Variants in ASIP observed in about 807,000 individuals in gnomAD.
ASIP encodes the protein agouti signaling protein, also known as agouti-signaling protein.
Under a neutral mutation model 10.3 loss-of-function variants are expected in ASIP, and 11 were observed. The observed-to-expected ratio is 1.07, with a 90% CI of 0.68 to 1.78. The LOEUF (loss-of-function observed/expected upper bound fraction) is 1.78. Among genes scored for constraint, ASIP ranks in the 40% most tolerant of loss-of-function variants. The pLI is 0.00. For missense variants in ASIP, 180 were observed against 169.2 expected (o/e 1.06, Z -0.35); for synonymous variants, 70 against 70.8 (o/e 0.99, Z 0.06).
At chr20:34,238,882 CTT>C (rs2035245565), upstream of ASIP, among the ~76,000 whole-genome samples, 2 of 152,166 alleles carry the variant, frequency 1.3e-5, no homozygotes, top group African/African-American at 4.8e-5. Context: ...GCCAAGGACA[CTT>C]TGCCATCCAA....
intron 1 of ASIP, among the ~76,000 whole-genome samples, chr20:34,249,104 G>T (rs2035430211): frequency 6.6e-6 from 1 of 152,014 alleles, no homozygotes; most frequent in African/African-American, 2.4e-5. Flanking sequence ...ACTCCAGCCT[G>T]GGTGACAGAG....
At chr20:34,209,162 C>G (rs895859892) in intron 1 of ASIP, among the ~76,000 whole-genome samples, 3 of 152,238 alleles carry the variant, frequency 2.0e-5, no homozygotes, top group African/African-American at 7.2e-5. Flanking sequence ...AGTGGTCCAT[C>G]TGGAGCAGCT....
At chr20:34,208,495 C>G (rs1026300805) in intron 1 of ASIP, among the ~76,000 whole-genome samples, 3 of 152,150 alleles carry the variant, frequency 2.0e-5, no homozygotes, top group African/African-American at 7.2e-5. Flanking sequence ...GCTGGGATTA[C>G]AGGTGTGCAC....
chr20:34,257,060 CTT>C (rs756202757), intron 1 of ASIP, among the ~76,000 whole-genome samples: 2,463 of 122,378 alleles, frequency 0.02, 25 homozygotes, highest in South Asian at 0.039. Context: ...TTCTCTCTCT[CTT>C]TCTTTCTCTT....
chr20:34,265,445 G>C (rs989813939), intron 3 of ASIP, among the ~76,000 whole-genome samples: 6 of 151,914 alleles, frequency 3.9e-5, no homozygotes, highest in South Asian at 2.1e-4. Context: ...AATCGCTTGA[G>C]CCTGGGATAT....
At chr20:34,231,949 C>T (rs544677017) in intron 1 of ASIP, among the ~76,000 whole-genome samples, 1 of 152,314 alleles carries the variant, frequency 6.6e-6, no homozygotes, top group East Asian at 1.9e-4. Context: ...CTTGTTGTTT[C>T]ATGAATTCTA....
chr20:34,262,818 G>A lies in ASIP; in HGVS notation c.161-14G>A. On this transcript the variant is annotated splice_polypyrimidine_tract_variant and intron_variant, in intron 2 of 3. Transcript: ENST00000374954. ...AGAAACATCTGACTTTGCTCCTTTT[G>A]TCTCTCTTTGAAGCGCTGAACAAGA... 1 of 1,613,694 alleles carries A rather than the reference G, an allele frequency of 6.2e-7. No homozygotes were observed.
chr20:34,193,952 T>C (rs1324781768), upstream of ASIP, among the ~76,000 whole-genome samples: 1 of 152,106 alleles, frequency 6.6e-6, no homozygotes, highest in Non-Finnish European at 1.5e-5. Context: ...ACAAAACTCT[T>C]CTCCAGCAGC....
Position 34,269,195 on chromosome 20 carries a change from C to T in ASIP, c.*28C>T. 2 of 1,471,160 alleles carry T rather than the reference C, an allele frequency of 1.4e-6. No homozygotes were observed. Among genetic ancestry groups the T allele is most frequent in the Non-Finnish European group, 9.0e-7 (1 of 1,111,936 alleles). 91.1% of individuals were successfully genotyped at this position (1,471,160 alleles called of 1,614,324 possible). On this transcript the variant is annotated 3_prime_UTR_variant, in exon 4 of 4. Transcript: ENST00000374954. ...GCCCCCACTCCCGGCCGCGAGCAGG[C>T]AGGGCTTCGGGGACGCGGGGCGCTT...
chr20:34,222,827 G>A (rs949263797), intron 1 of ASIP, among the ~76,000 whole-genome samples: 3 of 152,040 alleles, frequency 2.0e-5, no homozygotes, highest in Non-Finnish European at 4.4e-5. Context: ...ACGGGGTTTC[G>A]CTGTGTTGGC....
At chr20:34,257,901 T>C (rs1170036885) in intron 1 of ASIP, among the ~76,000 whole-genome samples, 1 of 152,218 alleles carries the variant, frequency 6.6e-6, no homozygotes, top group African/African-American at 2.4e-5. Context: ...CCCAGCACTT[T>C]GGGAAGCCAA....
At chr20:34,221,750 T>C (rs752574823) in intron 1 of ASIP, among the ~76,000 whole-genome samples, 3 of 152,134 alleles carry the variant, frequency 2.0e-5, no homozygotes, top group Admixed American at 6.5e-5. Flanking sequence ...GTGAGCCTAA[T>C]TCTGGCAGTG....
chr20:34,268,886 A>G, intron 3 of ASIP, 105 bp from the exon 4 acceptor site: 1 of 1,416,662 alleles, frequency 7.1e-7, no homozygotes, highest in Admixed American at 2.1e-5. Flanking sequence ...CCAGCGGGGA[A>G]ACCTCTGGTC....
chr20:34,213,567 C>A, intron 1 of ASIP: 2 of 1,547,336 alleles, frequency 1.3e-6, no homozygotes, highest in African/African-American at 1.4e-5. Flanking sequence ...GAAGCAGGGG[C>A]ATGAACATCT....
At chr20:34,263,460 G>A (rs183921434) in intron 3 of ASIP, among the ~76,000 whole-genome samples, 4 of 152,044 alleles carry the variant, frequency 2.6e-5, no homozygotes, top group Admixed American at 2.6e-4. Context: ...AGCTACTTGG[G>A]AGGCTGAGGC....
upstream of ASIP, among the ~76,000 whole-genome samples, chr20:34,237,697 G>A (rs563675433): frequency 1.3e-5 from 2 of 152,278 alleles, no homozygotes; most frequent in East Asian, 3.9e-4. Context: ...TTTGAGTAGA[G>A]GTGGTGAAAG....
chr20:34,243,838 G>A (rs2035323750), intron 1 of ASIP, among the ~76,000 whole-genome samples: 1 of 151,914 alleles, frequency 6.6e-6, no homozygotes, highest in Non-Finnish European at 1.5e-5. Flanking sequence ...GCCGAGGCGG[G>A]TGGATCATGA....
chr20:34,196,045 TTC>T (rs1425426853), intron 1 of ASIP, among the ~76,000 whole-genome samples: 1 of 152,150 alleles, frequency 6.6e-6, no homozygotes, highest in Non-Finnish European at 1.5e-5. Context: ...TTCCAAGCAC[TTC>T]TGCCTATGGG....
intron 1 of ASIP, among the ~76,000 whole-genome samples, chr20:34,256,861 G>T (rs2035577743): frequency 6.6e-6 from 1 of 151,924 alleles, no homozygotes; most frequent in African/African-American, 2.4e-5. Flanking sequence ...GCTCACTGTA[G>T]CCTCAACTTC....
Sources: gnomAD v4.1 joint callset for allele counts (sites outside exome capture counted in the v4.1 genomes callset) on GRCh38, gnomAD v4.1.1 for gene constraint, MANE v1.5 for transcripts, NCBI Gene and HGNC (gene_info 2026-07-23, HGNC 2026-07-21) for gene names.